The following PPIL1 variants were observed in gnomAD, a reference collection of about 807,000 sequenced individuals.
PPIL1 encodes the protein peptidylprolyl isomerase like 1.
In PPIL1, 14 loss-of-function variants were observed where a neutral mutation model predicts 19.4. The observed-to-expected ratio is 0.72, with a 90% confidence interval of 0.48 to 1.13. PPIL1 has a LOEUF of 1.13. Ranked by LOEUF, PPIL1 falls within the 50% of genes most tolerant of loss-of-function variation. PPIL1 has a pLI of 0.00. For missense variants in PPIL1, 192 were observed against 218.0 expected (o/e 0.88, Z 0.75); for synonymous variants, 72 against 73.6 (o/e 0.98, Z 0.11).
chr6:36,861,961 G>A (rs1482904154), intron 2 of PPIL1, among the ~76,000 whole-genome samples: 1 of 152,148 alleles, frequency 6.6e-6, no homozygotes, highest in African/African-American at 2.4e-5. Context: ...TTCCCAAAGT[G>A]CTGGGATTAC....
intron 2 of PPIL1, among the ~76,000 whole-genome samples, chr6:36,864,582 A>C (rs533856034): frequency 6.6e-6 from 1 of 152,292 alleles, no homozygotes; most frequent in South Asian, 2.1e-4. Flanking sequence ...AGTGGTTCTC[A>C]ACGGGGAGTG....
intron 2 of PPIL1, among the ~76,000 whole-genome samples, chr6:36,864,961 T>C (rs566873055): frequency 4.7e-4 from 72 of 151,726 alleles, no homozygotes; most frequent in African/African-American, 1.6e-3. Flanking sequence ...CTAATAGGTA[T>C]TTGTTAAATG....
chr6:36,866,702 G>A (rs1216882714), intron 2 of PPIL1, among the ~76,000 whole-genome samples: 1 of 152,118 alleles, frequency 6.6e-6, no homozygotes, highest in Non-Finnish European at 1.5e-5. Flanking sequence ...TGGACTCTCA[G>A]TTCACTGGTA....
At chr6:36,859,002 C>G (rs1188881252) in intron 2 of PPIL1, among the ~76,000 whole-genome samples, 1 of 152,158 alleles carries the variant, frequency 6.6e-6, no homozygotes, top group Non-Finnish European at 1.5e-5. Flanking sequence ...GTGGCCTGAG[C>G]TTCAAAGTGT....
chr6:36,856,501 T>C (rs1774170230), intron 3 of PPIL1, 85 bp downstream of exon 3: 12 of 1,235,820 alleles, frequency 9.7e-6, no homozygotes, highest in Non-Finnish European at 1.3e-5. Flanking sequence ...TGCCACGGTG[T>C]CAGGCATTCA....
intron 2 of PPIL1, among the ~76,000 whole-genome samples, chr6:36,859,252 C>T (rs1029990367): frequency 6.6e-6 from 1 of 151,822 alleles, no homozygotes; most frequent in Non-Finnish European, 1.5e-5. Context: ...TGGTGAAACC[C>T]CATCACTAAT....
In PPIL1 at chr6:36,862,844, C is replaced by T. The variant is rs148795538; in HGVS notation, c.212-6190G>A. ...ACAAACACTTTGTTAATATACCAGA[C>T]GGGAACAATGCCACAGTCCTCCAAG... On this transcript the variant is annotated intron_variant, in intron 2 of 3. Coordinates refer to ENST00000373699, the MANE Select transcript of PPIL1 (RefSeq NM_016059.5). Among the ~76,000 whole-genome samples, 5 of 152,324 alleles carry T rather than the reference C, an allele frequency of 3.3e-5. No homozygotes were observed. In the East Asian group the frequency reaches 9.6e-4, roughly 29 times the overall value.
chr6:36,855,827 A>G lies in PPIL1; in HGVS notation c.487T>C (p.Tyr163His). 2 of 1,614,198 alleles carry G rather than the reference A, an allele frequency of 1.2e-6. No homozygotes were observed. The highest frequency in any genetic ancestry group is 1.7e-6 in the Non-Finnish European group (2 of 1,180,016). The change falls in exon 4 of 4, where the codon TAC (tyrosine) becomes CAC (histidine). Residue 163 changes from tyrosine (Y) to histidine (H), a missense_variant. Coordinates refer to ENST00000373699, the MANE Select transcript of PPIL1 (RefSeq NM_016059.5). ...PVDDVKIIKA[Y>H]PSG ...GGGTAGCAAGTCTACCCAGAAGGGT[A>G]TGCCTTAATGATCTTCACGTCGTCC...
chr6:36,870,876 G>A (rs1252560294), intron 2 of PPIL1, among the ~76,000 whole-genome samples: 1 of 152,016 alleles, frequency 6.6e-6, no homozygotes. Context: ...CAACTGCCTC[G>A]GGCTCCCAAA....
chr6:36,859,811 T>TTGTGTGTGTGTGTGTGTGTGTGTG (rs71880744), intron 2 of PPIL1, among the ~76,000 whole-genome samples: 1,719 of 144,902 alleles, frequency 0.012, 22 homozygotes, highest in Middle Eastern at 0.031. Context: ...CTGTTTTCTA[T>TTGTGTGTGTGTGTGTGTGTGTGTG]TGTGTGTGTG....
chr6:36,865,210 C>T (rs1021096995), intron 2 of PPIL1, among the ~76,000 whole-genome samples: 1 of 152,202 alleles, frequency 6.6e-6, no homozygotes, highest in African/African-American at 2.4e-5. Context: ...CTGCTCTACC[C>T]TGAACCAAAC....
chr6:36,859,033 T>C (rs1774224432), intron 2 of PPIL1, among the ~76,000 whole-genome samples: 1 of 152,130 alleles, frequency 6.6e-6, no homozygotes, highest in African/African-American at 2.4e-5. Context: ...ACCTGAGGGC[T>C]ACCAGAACAA....
At chr6:36,856,526 CA>C in intron 3 of PPIL1, 59 bp downstream of exon 3, 2 of 1,496,390 alleles carry the variant, frequency 1.3e-6, no homozygotes, top group Non-Finnish European at 1.9e-6. Flanking sequence ...GAATCATGGC[CA>C]AAAGAGTGAG....
At chr6:36,871,936 G>A in intron 1 of PPIL1, 64 bp from the exon 2 acceptor site, 1 of 1,403,712 alleles carries the variant, frequency 7.1e-7, no homozygotes, top group Non-Finnish European at 9.5e-7. Flanking sequence ...GAGTATTATG[G>A]AACTGCTCCA....
At position 36,872,561 on chromosome 6, in the gene PPIL1, C is replaced by T. The variant is rs1473878946; in HGVS notation, c.57-689G>A. Among the ~76,000 whole-genome samples, 2 of 151,956 alleles carry T rather than the reference C, an allele frequency of 1.3e-5. 1 individual carries two copies. The highest frequency in any genetic ancestry group is 1.3e-4 in the Admixed American group (2 of 15,252). On this transcript the variant is annotated intron_variant, in intron 1 of 3. Coordinates refer to ENST00000373699, the MANE Select transcript of PPIL1 (RefSeq NM_016059.5). ...AAGAGGCAAGAGAAAGGACGAGTGCCTTCCCCTCTACTCCAGCACATACCT... is the reference window on the plus strand; with the variant it reads ...AAGAGGCAAGAGAAAGGACGAGTGCTTTCCCCTCTACTCCAGCACATACCT...
At chr6:36,863,104 TG>T (rs1299723376) in intron 2 of PPIL1, among the ~76,000 whole-genome samples, 10 of 152,316 alleles carry the variant, frequency 6.6e-5, no homozygotes, top group Middle Eastern at 6.8e-3. Flanking sequence ...GTGTGTAACA[TG>T]AGGCAAACAC....
intron 2 of PPIL1, among the ~76,000 whole-genome samples, chr6:36,869,296 T>C (rs1348218279): frequency 6.6e-6 from 1 of 152,132 alleles, no homozygotes; most frequent in Non-Finnish European, 1.5e-5. Context: ...AAAATTTATT[T>C]TAAAAAAGTA....
intron 2 of PPIL1, among the ~76,000 whole-genome samples, chr6:36,856,885 T>C (rs1583104359): frequency 6.6e-6 from 1 of 152,220 alleles, no homozygotes; most frequent in Admixed American, 6.5e-5. Context: ...TATTTTTTCC[T>C]GCACATTAAA....
At chr6:36,858,693 C>T (rs2150654756) in intron 2 of PPIL1, 1 of 152,398 alleles carries the variant, frequency 6.6e-6, no homozygotes, top group Admixed American at 6.5e-5. Context: ...CCACTTGGCC[C>T]AGGCTACCTA....
Sources: allele counts gnomAD v4.1 joint callset (sites outside exome capture counted in the v4.1 genomes callset), GRCh38; gene constraint gnomAD v4.1.1; transcripts MANE v1.5; gene names NCBI Gene and HGNC (gene_info 2026-07-23, HGNC 2026-07-21).